Variants in UPF2 observed in about 807,000 individuals in gnomAD.
UPF2 encodes UPF2 regulator of nonsense mediated mRNA decay.
In UPF2, 17 loss-of-function variants were observed where a neutral mutation model predicts 141.4. The observed-to-expected ratio is 0.12, with a 90% confidence interval of 0.08 to 0.18. The LOEUF is 0.18. UPF2 is among the 10% of genes least tolerant of loss of function. UPF2 has a pLI of 1.00. For synonymous variants in UPF2, 540 were observed against 498.0 expected (o/e 1.08, Z -1.12); for missense variants, 1,152 against 1,515.9 (o/e 0.76, Z 3.99).
At chr10:12,015,870 C>T (rs1202918959) in intron 3 of UPF2, among the ~76,000 whole-genome samples, 1 of 152,032 alleles carries the variant, frequency 6.6e-6, no homozygotes, top group African/African-American at 2.4e-5. Context: ...ATTTCATTTT[C>T]TTATTATTTA....
At chr10:11,925,643 A>G (rs562438242) in intron 21 of UPF2, among the ~76,000 whole-genome samples, 23 of 152,350 alleles carry the variant, frequency 1.5e-4, no homozygotes, top group Non-Finnish European at 2.8e-4. Context: ...CAGAAATACC[A>G]TAAGTCATGG....
intron 1 of UPF2, among the ~76,000 whole-genome samples, chr10:12,041,731 C>T (rs1588586406): frequency 6.6e-6 from 1 of 152,290 alleles, no homozygotes; most frequent in African/African-American, 2.4e-5. Context: ...TAAAGAACAT[C>T]CTTAGTATAA....
intron 3 of UPF2, among the ~76,000 whole-genome samples, chr10:12,027,020 G>C (rs911768872): frequency 6.6e-6 from 1 of 152,036 alleles, no homozygotes; most frequent in East Asian, 1.9e-4. Context: ...TTGTGAACAG[G>C]TTACAAGTTC....
rs1834226801 is a variant in UPF2 at position 12,016,702 on chromosome 10, G to T, written c.1146-2518C>A. On this transcript the variant is annotated intron_variant, in intron 3 of 21. Transcript: ENST00000357604. The surrounding 1 kb of genome is among the most constrained non-coding windows in gnomAD (Gnocchi z 4.1). ...GAGCAAGACTGTCTAAAAAAAAAAA[G>T]AAAAAGAAGTAAGTTACTTAAAAAT... Among the ~76,000 whole-genome samples, 2 of 145,284 alleles carry T rather than the reference G, an allele frequency of 1.4e-5. No homozygotes were observed. The highest frequency in any genetic ancestry group is 6.9e-5 in the Admixed American group (1 of 14,488).
intron 20 of UPF2, among the ~76,000 whole-genome samples, chr10:11,930,572 T>C (rs1437880918): frequency 1.3e-5 from 2 of 151,210 alleles, no homozygotes; most frequent in Admixed American, 1.3e-4. Context: ...AGCTCAGGAG[T>C]TCAAGATGAG....
In UPF2 at chr10:11,931,345, G is replaced by A. The variant is rs1226072374; in HGVS notation, c.3688+296C>T. Among the ~76,000 whole-genome samples, 1 of 152,194 alleles carries A rather than the reference G, an allele frequency of 6.6e-6. No homozygotes were observed. The highest frequency in any genetic ancestry group is 1.5e-5 in the Non-Finnish European group (1 of 68,042). ...TCCCTGTCATTAAGCAAGGCATACT[G>A]TTTGTTAAATGAATCTGCACACAAC... is the stretch of plus-strand genomic sequence containing the variant. On this transcript the variant is annotated intron_variant, in intron 20 of 21. Transcript: ENST00000357604. The surrounding 1 kb of genome is among the most constrained non-coding windows in gnomAD (Gnocchi z 5.9).
rs1832650896 is a variant in UPF2 at position 11,921,977 on chromosome 10, G to A, written c.3810-670C>T. Among the ~76,000 whole-genome samples, 1 of 152,202 alleles carries A rather than the reference G, an allele frequency of 6.6e-6. No homozygotes were observed. ...TTACTTCAGATAAGGCCATACTGGA[G>A]CAGGGTGGAGCCCTAATCCCATATG... On this transcript the variant is annotated intron_variant, in intron 21 of 21. Transcript: ENST00000357604. The surrounding 1 kb of genome is among the most constrained non-coding windows in gnomAD (Gnocchi z 5.9).
rs377274977 is a variant in UPF2 at position 11,952,102 on chromosome 10, C to A, written c.2998G>T (p.Val1000Leu). ...AAGAATTCTCGTTCCAAGTCTTGTA[C>A]CTGCCTGATGGATTCTTCCAGAGAA... ...CNSLEESIRQ[V>L]QDLEREFLIK... Residue 1000 changes from valine (V) to leucine (L), a missense_variant, in exon 15 of 22, where the codon GTA (valine) becomes TTA (leucine). Val to Leu is a conservative substitution (Grantham distance 32, BLOSUM62 1). Transcript: ENST00000357604. 165 of 1,613,902 alleles carry A rather than the reference C, an allele frequency of 1.0e-4. No individual in the cohort carries two copies. The highest frequency in any genetic ancestry group is 1.3e-4 in the Non-Finnish European group (155 of 1,179,970).
chr10:11,961,041 A>G (rs992278857), intron 11 of UPF2, among the ~76,000 whole-genome samples: 1 of 149,310 alleles, frequency 6.7e-6, no homozygotes, highest in African/African-American at 2.5e-5. Context: ...AGTGAGCTAT[A>G]ATCACACCAC....
intron 19 of UPF2, among the ~76,000 whole-genome samples, chr10:11,932,702 G>A (rs1249081806): frequency 1.3e-5 from 2 of 152,136 alleles, no homozygotes; most frequent in East Asian, 3.8e-4. Context: ...CAAATTAGAT[G>A]ATAAAAATAT....
At chr10:12,008,782 C>T (rs765793091) in intron 4 of UPF2, among the ~76,000 whole-genome samples, 3 of 151,982 alleles carry the variant, frequency 2.0e-5, no homozygotes, top group Admixed American at 6.6e-5. Context: ...CTTACCAACC[C>T]GTCACCTAGG....
intron 12 of UPF2, among the ~76,000 whole-genome samples, chr10:11,958,064 T>C (rs879721991): frequency 6.6e-6 from 1 of 152,118 alleles, no homozygotes; most frequent in Non-Finnish European, 1.5e-5. Context: ...ATAAAAATGT[T>C]AGTGGCCAGG....
chr10:11,994,435 G>C (rs968958583), intron 8 of UPF2, among the ~76,000 whole-genome samples: 8 of 152,174 alleles, frequency 5.3e-5, no homozygotes, highest in Non-Finnish European at 1.5e-5. Flanking sequence ...GAATCTTTGG[G>C]AGAATACACA....
intron 21 of UPF2, among the ~76,000 whole-genome samples, chr10:11,923,794 C>A (rs1832677418): frequency 6.6e-6 from 1 of 151,954 alleles, no homozygotes; most frequent in Admixed American, 6.6e-5. Flanking sequence ...AGCCGAGATC[C>A]CGGCACTGCA....
At chr10:11,987,408 A>T (rs1384455254) in intron 8 of UPF2, among the ~76,000 whole-genome samples, 1 of 152,186 alleles carries the variant, frequency 6.6e-6, no homozygotes, top group Admixed American at 6.5e-5. Context: ...AATTACCTAT[A>T]AAATAAAATG....
chr10:11,930,119 T>A (rs944189824), intron 20 of UPF2, 134 bp from the exon 21 acceptor site: 1 of 1,251,488 alleles, frequency 8.0e-7, no homozygotes, highest in Non-Finnish European at 1.1e-6. Flanking sequence ...ATAGCCATTA[T>A]ACAGACTAAA....
At chr10:12,006,018 T>C (rs774947073) in intron 4 of UPF2, among the ~76,000 whole-genome samples, 1 of 151,964 alleles carries the variant, frequency 6.6e-6, no homozygotes, top group African/African-American at 2.4e-5. Flanking sequence ...TAGCTGGGAC[T>C]ACAGGCATGC....
intron 1 of UPF2, among the ~76,000 whole-genome samples, chr10:12,038,021 T>C (rs1010501205): frequency 3.3e-5 from 5 of 152,160 alleles, no homozygotes; most frequent in Admixed American, 1.3e-4. Context: ...TGACACCTAA[T>C]AGCTGTAGTT....
chr10:11,982,267 C>T (rs1833610181), intron 8 of UPF2, among the ~76,000 whole-genome samples: 1 of 152,116 alleles, frequency 6.6e-6, no homozygotes, highest in African/African-American at 2.4e-5. Flanking sequence ...AATTTCAGGT[C>T]AGAAAAGTAC....
Sources: gnomAD v4.1 joint callset for allele counts (sites outside exome capture counted in the v4.1 genomes callset) on GRCh38, gnomAD v4.1.1 for gene constraint, Gnocchi (gnomAD v3.1) non-coding constraint, MANE v1.5 for transcripts, NCBI Gene and HGNC (gene_info 2026-07-23, HGNC 2026-07-21) for gene names.